ITFG1: variants seen among roughly 807,000 people sequenced by gnomAD.
ITFG1 encodes the protein T-cell immunomodulatory protein.
ITFG1 carries 34 observed loss-of-function variants against 81.8 expected under a neutral mutation model. That is an observed-to-expected ratio of 0.42 (90% CI 0.32 to 0.55). The LOEUF (loss-of-function observed/expected upper bound fraction) is 0.55, where lower values mean the gene tolerates loss of function less well. Among genes scored for constraint, ITFG1 ranks in the 20% least tolerant of loss-of-function variants. The pLI is 0.17. For synonymous variants in ITFG1, 285 were observed against 270.6 expected, an observed-to-expected ratio of 1.05 and a Z score of -0.52; for missense variants, 672 against 755.4, an observed-to-expected ratio of 0.89 and a Z score of 1.29.
chr16:47,368,327 AG>A (rs1968204890), intron 7 of ITFG1, among the ~76,000 whole-genome samples: 1 of 151,564 alleles, frequency 6.6e-6, no homozygotes, highest in Non-Finnish European at 1.5e-5. Context: ...CGAGGCAGGC[AG>A]ATCACTTGAG....
intron 13 of ITFG1, among the ~76,000 whole-genome samples, chr16:47,222,537 C>T (rs571751374): frequency 2.0e-5 from 3 of 152,126 alleles, no homozygotes; most frequent in Admixed American, 1.3e-4. Context: ...CCTCAGCCTC[C>T]CGAGTAGCTG....
At chr16:47,248,640 T>G (rs767794516) in intron 12 of ITFG1, among the ~76,000 whole-genome samples, 1 of 152,152 alleles carries the variant, frequency 6.6e-6, no homozygotes, top group Non-Finnish European at 1.5e-5. Flanking sequence ...GAATAAAAAT[T>G]TCATCACCTG....
In ITFG1 at chr16:47,266,608, T is replaced by C. The variant is rs544091233; in HGVS notation, c.1071-5913A>G. 2.6e-5 allele frequency among the ~76,000 whole-genome samples: 4 copies of C among 152,312 alleles called. No individual in the cohort carries two copies. The East Asian group carries it at 7.7e-4, about 29-fold the overall frequency. On this transcript the variant is annotated intron_variant, in intron 10 of 17. Transcript: ENST00000320640. ...GAAGCTCATACACTGTTGGGAGACATGTAAAATGGTACAGCAGCTTTGAAA... is the reference window on the plus strand; with the variant it reads ...GAAGCTCATACACTGTTGGGAGACACGTAAAATGGTACAGCAGCTTTGAAA...
At chr16:47,415,084 G>A (rs941030562) in intron 6 of ITFG1, among the ~76,000 whole-genome samples, 4 of 152,204 alleles carry the variant, frequency 2.6e-5, no homozygotes, top group Non-Finnish European at 5.9e-5. Flanking sequence ...GGATATTAAT[G>A]TTCCCATGTG....
intron 9 of ITFG1, chr16:47,312,857 G>C (rs932892437): frequency 2.0e-5 from 3 of 152,096 alleles, no homozygotes; most frequent in Non-Finnish European, 4.4e-5. Context: ...TGTATAATTT[G>C]AAAATATTCT....
chr16:47,210,631 T>C (rs547496792), intron 14 of ITFG1, among the ~76,000 whole-genome samples: 2 of 152,212 alleles, frequency 1.3e-5, no homozygotes, highest in Non-Finnish European at 2.9e-5. Context: ...TGATTCTTGT[T>C]AGAAGATCTA....
chr16:47,400,500 C>A lies in ITFG1; in HGVS notation c.656-24560G>T, dbSNP rs560894121. On this transcript the variant is annotated intron_variant, in intron 6 of 17. Transcript: ENST00000320640. ...CACACACACACACACCACTAGACAC[C>A]AGCATTGTGTCAGGAGTTGGAGCAA... is the stretch of plus-strand genomic sequence containing the variant. 2.0e-5 allele frequency among the ~76,000 whole-genome samples: 3 copies of A among 150,800 alleles called. No homozygotes were observed. The South Asian group carries it at 6.3e-4, about 32-fold the overall frequency.
At chr16:47,195,812 C>T (rs969486441) in intron 14 of ITFG1, among the ~76,000 whole-genome samples, 2 of 152,054 alleles carry the variant, frequency 1.3e-5, no homozygotes, top group African/African-American at 2.4e-5. Flanking sequence ...CATAGGTATA[C>T]GTGTGCCATG....
chr16:47,310,665 T>G (rs1967243850), intron 10 of ITFG1, among the ~76,000 whole-genome samples: 1 of 152,226 alleles, frequency 6.6e-6, no homozygotes, highest in South Asian at 2.1e-4. Context: ...ATTTCCAGTG[T>G]CATTACAAAA....
intron 6 of ITFG1, among the ~76,000 whole-genome samples, chr16:47,418,418 TTTTG>T (rs539789856): frequency 6.3e-4 from 96 of 152,234 alleles, no homozygotes; most frequent in South Asian, 3.1e-3. Context: ...TTTGAAATTT[TTTTG>T]TTTGTTTGTT....
chr16:47,214,998 C>A (rs1018107790), intron 14 of ITFG1, among the ~76,000 whole-genome samples: 2 of 151,574 alleles, frequency 1.3e-5, no homozygotes, highest in Non-Finnish European at 2.9e-5. Context: ...TGAAACAATA[C>A]TTTACCATCT....
chr16:47,179,291 G>A lies in ITFG1; in HGVS notation c.1454-16627C>T, dbSNP rs1325404311. Reference sequence around the variant, plus strand: ...ACACATGCGCACATATGTTTATTGCGGCATTATTCACAATAGCAAAGACTT... The same window carrying A: ...ACACATGCGCACATATGTTTATTGCAGCATTATTCACAATAGCAAAGACTT... On this transcript the variant is annotated intron_variant, in intron 14 of 17. Transcript: ENST00000320640. Among the ~76,000 whole-genome samples, 8 of 152,086 alleles carry A rather than the reference G, an allele frequency of 5.3e-5. No individual in the cohort carries two copies. The East Asian group carries it at 5.8e-4, about 11-fold the overall frequency.
chr16:47,320,484 G>T (rs1389138058), intron 8 of ITFG1, among the ~76,000 whole-genome samples: 1 of 152,112 alleles, frequency 6.6e-6, no homozygotes, highest in Non-Finnish European at 1.5e-5. Flanking sequence ...ATATACAATT[G>T]TGAGTTGTAC....
At chr16:47,165,169 G>T (rs1964873842) in intron 14 of ITFG1, among the ~76,000 whole-genome samples, 1 of 151,930 alleles carries the variant, frequency 6.6e-6, no homozygotes, top group African/African-American at 2.4e-5. Flanking sequence ...GTATTTTCTA[G>T]GTATTTTTCT....
At chr16:47,436,585 C>T (rs1314442557) in intron 5 of ITFG1, among the ~76,000 whole-genome samples, 1 of 152,132 alleles carries the variant, frequency 6.6e-6, no homozygotes, top group African/African-American at 2.4e-5. Context: ...TCTACTCTTA[C>T]TTTTCATTTT....
intron 14 of ITFG1, among the ~76,000 whole-genome samples, chr16:47,167,846 A>C (rs960760370): frequency 1.3e-5 from 2 of 152,210 alleles, no homozygotes; most frequent in Non-Finnish European, 1.5e-5. Context: ...TGGGTTGTTT[A>C]GTACCTTTTG....
At chr16:47,393,195 A>G (rs940886790) in intron 6 of ITFG1, among the ~76,000 whole-genome samples, 12 of 152,198 alleles carry the variant, frequency 7.9e-5, no homozygotes, top group Non-Finnish European at 1.6e-4. Flanking sequence ...GGAAGGTGAC[A>G]TGGTCCCCAG....
At chr16:47,433,814 CGTATA>C (rs1969125009) in intron 5 of ITFG1, among the ~76,000 whole-genome samples, 1 of 134,546 alleles carries the variant, frequency 7.4e-6, no homozygotes, top group South Asian at 2.4e-4. Flanking sequence ...CATACACACA[CGTATA>C]GTTGTCAATA....
chr16:47,300,338 T>A (rs1362126303), intron 10 of ITFG1, among the ~76,000 whole-genome samples: 1 of 152,252 alleles, frequency 6.6e-6, no homozygotes, highest in African/African-American at 2.4e-5. Context: ...AAGTATGAGG[T>A]GTGCTTGAAA....
Sources: gnomAD v4.1 joint callset for allele counts (sites outside exome capture counted in the v4.1 genomes callset) on GRCh38, gnomAD v4.1.1 for gene constraint, MANE v1.5 for transcripts, NCBI Gene and HGNC (gene_info 2026-07-23, HGNC 2026-07-21) for gene names.